The following MME variants were observed in gnomAD, a reference collection of about 807,000 sequenced individuals.
MME encodes membrane metalloendopeptidase, also known as neprilysin.
A neutral mutation model predicts 113.2 loss-of-function variants in MME; 98 were observed. That is an observed-to-expected ratio of 0.87 (90% CI 0.74 to 1.02). The LOEUF is 1.02. Among genes scored for constraint, MME ranks in the 50% least tolerant of loss-of-function variants. The probability of loss-of-function intolerance (pLI) is 0.00; values close to 1 mark genes in which losing one functional copy is unlikely to be tolerated. For synonymous variants in MME, 292 were observed against 300.6 expected, an observed-to-expected ratio of 0.97 and a Z score of 0.30; for missense variants, 836 against 896.0, an observed-to-expected ratio of 0.93 and a Z score of 0.86.
At chr3:155,034,831 T>C (rs1323606984) in intron 1 of MME, among the ~76,000 whole-genome samples, 2 of 152,130 alleles carry the variant, frequency 1.3e-5, no homozygotes, top group African/African-American at 4.8e-5. Flanking sequence ...TAAAAAATAA[T>C]GAAAGAAAGT....
intron 8 of MME, among the ~76,000 whole-genome samples, chr3:155,125,571 C>T (rs1360118332): frequency 1.3e-5 from 2 of 149,272 alleles, no homozygotes; most frequent in Non-Finnish European, 3.0e-5. Flanking sequence ...GCAATTCTCC[C>T]AGCCTCGGCC....
At position 155,174,718 on chromosome 3, in the gene MME, T is replaced by C. The variant is rs1433077196; in HGVS notation, c.2153+2106T>C. On this transcript the variant is annotated intron_variant, in intron 22 of 22. Transcript: ENST00000360490. ...CTGCATCATAAAACCATATTTGCTA[T>C]GTCTAACCTATTGTTGTTTTATTCT... 1.4e-4 allele frequency among the ~76,000 whole-genome samples: 22 copies of C among 152,116 alleles called. 1 individual carries two copies. Among genetic ancestry groups the C allele is most frequent in the Admixed American group, 1.4e-3 (22 of 15,250 alleles).
At chr3:155,085,140 A>C in intron 3 of MME, 46 bp downstream of exon 3, 1 of 1,222,290 alleles carries the variant, frequency 8.2e-7, no homozygotes, top group South Asian at 1.4e-5. Context: ...CTGATGTATA[A>C]TATTTAAAAT....
At chr3:155,137,697 C>T (rs1192504076) in intron 8 of MME, among the ~76,000 whole-genome samples, 3 of 152,094 alleles carry the variant, frequency 2.0e-5, no homozygotes, top group Non-Finnish European at 4.4e-5. Flanking sequence ...CAGTGTGAGA[C>T]TCTGTCTCAA....
intron 8 of MME, among the ~76,000 whole-genome samples, chr3:155,124,860 T>A (rs1388347675): frequency 6.6e-6 from 1 of 152,176 alleles, no homozygotes; most frequent in Non-Finnish European, 1.5e-5. Context: ...CAGAGGTTAC[T>A]GCTGTCTTTT....
chr3:155,024,528 C>CT (rs1712710237), intron 1 of MME, among the ~76,000 whole-genome samples: 1 of 152,110 alleles, frequency 6.6e-6, no homozygotes, highest in African/African-American at 2.4e-5. Flanking sequence ...ATAAATAGAG[C>CT]TGGCAGTCTG....
At chr3:155,049,376 T>A (rs1713675656) in intron 1 of MME, among the ~76,000 whole-genome samples, 1 of 151,922 alleles carries the variant, frequency 6.6e-6, no homozygotes, top group South Asian at 2.1e-4. Context: ...GAGTGATACA[T>A]CCACGAGCCA....
intron 16 of MME, among the ~76,000 whole-genome samples, chr3:155,155,412 C>T (rs1722241765): frequency 6.6e-6 from 1 of 152,124 alleles, no homozygotes; most frequent in East Asian, 1.9e-4. Context: ...TTCTGACAGC[C>T]ACCACTCTCT....
upstream of MME, among the ~76,000 whole-genome samples, chr3:155,074,679 G>A (rs777993827): frequency 3.9e-5 from 6 of 151,986 alleles, no homozygotes; most frequent in South Asian, 2.1e-4. Flanking sequence ...TGATCCTCCC[G>A]CCTCAGCTTC....
intron 1 of MME, among the ~76,000 whole-genome samples, chr3:155,038,371 A>T (rs979893771): frequency 2.0e-5 from 3 of 152,134 alleles, no homozygotes; most frequent in African/African-American, 7.2e-5. Context: ...AGCCTTGCCC[A>T]CCAACCCTGG....
chr3:155,167,244 T>TA (rs1723170086), intron 18 of MME, among the ~76,000 whole-genome samples: 1 of 152,170 alleles, frequency 6.6e-6, no homozygotes, highest in Non-Finnish European at 1.5e-5. Flanking sequence ...CAGAATGAAG[T>TA]AAATATTCCC....
At chr3:155,138,674 G>A (rs144995617) in intron 9 of MME, among the ~76,000 whole-genome samples, 9 of 152,248 alleles carry the variant, frequency 5.9e-5, no homozygotes, top group Non-Finnish European at 8.8e-5. Flanking sequence ...CCTGAACATA[G>A]CCATGTGGCA....
chr3:155,031,636 AG>A (rs1480484832), intron 1 of MME, among the ~76,000 whole-genome samples: 1 of 152,014 alleles, frequency 6.6e-6, no homozygotes, highest in East Asian at 1.9e-4. Context: ...TTTTATAGCC[AG>A]CTTTTGCTTT....
At chr3:155,079,630 T>TGGGGGGGGGGGGGGGGGGGGGGG (rs1455585736), upstream of MME, 1 of 27,484 alleles carries the variant, frequency 3.6e-5, no homozygotes, top group African/African-American at 1.0e-4. Flanking sequence ...GGGTAGGGGG[T>TGGGGGGGGGGGGGGGGGGGGGGG]GGGGGGGGTG....
At chr3:155,061,223 T>A (rs1022817481) in intron 1 of MME, among the ~76,000 whole-genome samples, 25 of 151,960 alleles carry the variant, frequency 1.6e-4, no homozygotes, top group Non-Finnish European at 4.4e-5. Flanking sequence ...GAGGCCGAGG[T>A]GGGCAGATCA....
chr3:155,056,139 A>T (rs988312397), intron 1 of MME, among the ~76,000 whole-genome samples: 4 of 152,084 alleles, frequency 2.6e-5, no homozygotes, highest in African/African-American at 9.7e-5. Context: ...CTTCCCTCAG[A>T]TAATGTTGTT....
intron 1 of MME, among the ~76,000 whole-genome samples, chr3:155,032,984 T>A (rs1713020799): frequency 6.6e-6 from 1 of 152,198 alleles, no homozygotes; most frequent in South Asian, 2.1e-4. Context: ...GAAAGGCATA[T>A]TTAACATTCC....
At chr3:155,042,955 T>TATAC (rs1713410047) in intron 1 of MME, among the ~76,000 whole-genome samples, 2 of 130,728 alleles carry the variant, frequency 1.5e-5, no homozygotes, top group South Asian at 4.8e-4. Flanking sequence ...TATATATATA[T>TATAC]ATATCACATT....
intron 1 of MME, among the ~76,000 whole-genome samples, chr3:155,063,391 CAT>C (rs1375376297): frequency 1.0e-5 from 1 of 98,084 alleles, no homozygotes; most frequent in Non-Finnish European, 1.8e-5. Context: ...ATATATATTT[CAT>C]ATATATTTTA....
Sources: gnomAD v4.1 joint callset for allele counts (sites outside exome capture counted in the v4.1 genomes callset) on GRCh38, gnomAD v4.1.1 for gene constraint, MANE v1.5 for transcripts, NCBI Gene and HGNC (gene_info 2026-07-23, HGNC 2026-07-21) for gene names.